NF2: variants seen among roughly 807,000 people sequenced by gnomAD.
The protein encoded by NF2 is NF2, moesin-ezrin-radixin like (MERLIN) tumor suppressor.
In NF2, 8 loss-of-function variants were observed where a neutral mutation model predicts 83.7. That is an observed-to-expected ratio of 0.10 (90% CI 0.06 to 0.17). The LOEUF (loss-of-function observed/expected upper bound fraction) is 0.17. NF2 is among the 10% of genes least tolerant of loss of function. The pLI, the probability that NF2 is intolerant of heterozygous loss-of-function variation, is 1.00. For synonymous variants in NF2, 266 were observed against 269.6 expected (o/e 0.99, Z 0.13); for missense variants, 533 against 744.4 (o/e 0.72, Z 3.31).
intron 3 of NF2, among the ~76,000 whole-genome samples, chr22:29,640,258 C>A (rs927816480): frequency 6.6e-6 from 1 of 150,510 alleles, no homozygotes; most frequent in Admixed American, 6.6e-5. Context: ...GTTTGTCCCC[C>A]ATATGTGGTA....
chr22:29,618,584 AATT>A (rs1226092850), intron 1 of NF2, among the ~76,000 whole-genome samples: 10 of 152,186 alleles, frequency 6.6e-5, no homozygotes, highest in African/African-American at 2.4e-4. Flanking sequence ...TGCTGAGTGT[AATT>A]TGCCAGGAGG....
chr22:29,625,396 T>G (rs960941330), intron 1 of NF2, among the ~76,000 whole-genome samples: 1 of 152,248 alleles, frequency 6.6e-6, no homozygotes. Flanking sequence ...TGATGACTTC[T>G]CCAGTTATTC....
At chr22:29,642,130 A>C in intron 3 of NF2, 72 bp from the exon 4 acceptor site, 2 of 1,223,672 alleles carry the variant, frequency 1.6e-6, no homozygotes, top group Non-Finnish European at 2.4e-6. Context: ...CCGTGAGGCC[A>C]TCTGTTGTGA....
intron 8 of NF2, among the ~76,000 whole-genome samples, chr22:29,662,173 C>T (rs1025351200): frequency 6.6e-5 from 10 of 152,114 alleles, no homozygotes; most frequent in South Asian, 2.1e-4. Context: ...ATTCTGTCAC[C>T]GAGGCTGGAA....
In NF2 at chr22:29,684,925, G is replaced by A. The variant is rs540254585; in HGVS notation, c.1737+3324G>A. On this transcript the variant is annotated intron_variant, in intron 15 of 15. Transcript: ENST00000338641. ...CTAGGGTGGCTCTGGGGTGGTGCAT[G>A]CTGCAGTCTGGCTGGCACAAGCCTA... 3.9e-5 allele frequency among the ~76,000 whole-genome samples: 6 copies of A among 152,074 alleles called. No homozygotes were observed. In the East Asian group the frequency reaches 1.2e-3, roughly 29 times the overall value.
At chr22:29,674,586 C>A (rs2066904438) in intron 12 of NF2, among the ~76,000 whole-genome samples, 1 of 152,244 alleles carries the variant, frequency 6.6e-6, no homozygotes, top group South Asian at 2.1e-4. Context: ...GGTCTGGTTT[C>A]TCTCATTCCC....
chr22:29,644,772 C>G (rs2065934909), intron 4 of NF2, among the ~76,000 whole-genome samples: 1 of 152,214 alleles, frequency 6.6e-6, no homozygotes, highest in Non-Finnish European at 1.5e-5. Flanking sequence ...AATACGAAAA[C>G]CCGTCAGGCG....
Position 29,675,398 on chromosome 22 carries a change from G to A in NF2, c.1446+457G>A, listed in dbSNP as rs556743080. Among the ~76,000 whole-genome samples, 9 of 152,190 alleles carry A rather than the reference G, an allele frequency of 5.9e-5. No individual in the cohort carries two copies. The East Asian group carries it at 1.7e-3, about 29-fold the overall frequency. ...CAGCCACTCTCAGTTTGGGGACAGA[G>A]AGTCAGACTTCCATTAAATGGGGTC... On this transcript the variant is annotated intron_variant, in intron 13 of 15. Coordinates refer to ENST00000338641, the MANE Select transcript of NF2 (RefSeq NM_000268.4).
chr22:29,650,076 A>G (rs2066101913), intron 4 of NF2, among the ~76,000 whole-genome samples: 1 of 152,230 alleles, frequency 6.6e-6, no homozygotes, highest in African/African-American at 2.4e-5. Flanking sequence ...AAATGAAATT[A>G]GAAGTGATGG....
chr22:29,614,865 T>C (rs1196926183), intron 1 of NF2, among the ~76,000 whole-genome samples: 1 of 151,898 alleles, frequency 6.6e-6, no homozygotes, highest in African/African-American at 2.4e-5. Flanking sequence ...CTGGCCAACA[T>C]GGTGAAACCC....
At chr22:29,690,508 C>T (rs754090064) in intron 15 of NF2, among the ~76,000 whole-genome samples, 3 of 151,992 alleles carry the variant, frequency 2.0e-5, no homozygotes, top group Non-Finnish European at 4.4e-5. Context: ...GGCTGAGTCT[C>T]GATGTTGGGC....
chr22:29,659,478 T>C (rs2066412960), intron 7 of NF2, among the ~76,000 whole-genome samples: 1 of 152,208 alleles, frequency 6.6e-6, no homozygotes, highest in African/African-American at 2.4e-5. Flanking sequence ...AGGTTTCTTA[T>C]TAGGGAATAT....
At chr22:29,671,544 A>G (rs920584216) in intron 10 of NF2, among the ~76,000 whole-genome samples, 1 of 152,212 alleles carries the variant, frequency 6.6e-6, no homozygotes, top group Non-Finnish European at 1.5e-5. Context: ...CCAAAAAAAA[A>G]GAATGCCTTT....
At chr22:29,630,591 G>C (rs2065482607) in intron 1 of NF2, among the ~76,000 whole-genome samples, 1 of 152,208 alleles carries the variant, frequency 6.6e-6, no homozygotes, top group Non-Finnish European at 1.5e-5. Context: ...GGAGGTCTGT[G>C]GAAGGGAGCT....
chr22:29,695,909 C>A lies in NF2; in HGVS notation c.*1107C>A. On this transcript the variant is annotated 3_prime_UTR_variant, in exon 16 of 16. Transcript: ENST00000338641. The surrounding 1 kb of genome is among the most constrained non-coding windows in gnomAD (Gnocchi z 5.4). ...TGTTCCCTGGGGGCCAGCCAGGGCC[C>A]TTTGTGCCCCTCCCAGCACAGGCCT... is the stretch of plus-strand genomic sequence containing the variant. 4.3e-6 allele frequency: 1 copy of A among 233,520 alleles called. No individual in the cohort carries two copies. The highest frequency in any genetic ancestry group is 6.0e-5 in the East Asian group (1 of 16,680). The allele number at this position is 233,520 out of a possible 1,614,324, so 14.5% of individuals were successfully genotyped here. A position where few individuals can be genotyped will look rare whatever the true frequency, so the allele number is the denominator to read the frequency against.
intron 4 of NF2, among the ~76,000 whole-genome samples, chr22:29,642,810 A>G (rs1229945004): frequency 6.6e-6 from 1 of 152,098 alleles, no homozygotes; most frequent in Admixed American, 6.5e-5. Flanking sequence ...ACACTACACT[A>G]CACCTTCAGA....
Position 29,688,807 on chromosome 22 carries a change from A to G in NF2, c.1738-5945A>G, listed in dbSNP as rs865804913. The stretch of plus-strand genomic sequence containing the variant: ...GCCTTTCGTTCCACCTCTGTGTAGG[A>G]TAAGTGTGTGGATAGTGCTCCCACT... On this transcript the variant is annotated intron_variant, in intron 15 of 15. Transcript: ENST00000338641. 7.2e-5 allele frequency among the ~76,000 whole-genome samples: 11 copies of G among 152,300 alleles called. 1 individual carries two copies. The highest frequency in any genetic ancestry group is 6.8e-3 in the Middle Eastern group (2 of 294).
intron 4 of NF2, among the ~76,000 whole-genome samples, chr22:29,642,974 T>TA (rs2065855019): frequency 6.6e-6 from 1 of 151,858 alleles, no homozygotes; most frequent in Non-Finnish European, 1.5e-5. Context: ...TTTTTTTTTT[T>TA]ACAAGACCGA....
chr22:29,652,294 T>C (rs1189993060), intron 4 of NF2, among the ~76,000 whole-genome samples: 1 of 152,140 alleles, frequency 6.6e-6, no homozygotes, highest in East Asian at 1.9e-4. Flanking sequence ...CATAGTTTTA[T>C]TTATTTTATT....
Sources: allele counts gnomAD v4.1 joint callset (sites outside exome capture counted in the v4.1 genomes callset), GRCh38; gene constraint gnomAD v4.1.1; non-coding constraint Gnocchi (gnomAD v3.1); transcripts MANE v1.5; gene names NCBI Gene and HGNC (gene_info 2026-07-23, HGNC 2026-07-21).